BNC2: variants seen among roughly 807,000 people sequenced by gnomAD.
BNC2 encodes the protein basonuclin zinc finger protein 2, also known as zinc finger protein basonuclin-2.
A neutral mutation model predicts 76.3 loss-of-function variants in BNC2; 20 were observed. That is an observed-to-expected ratio of 0.26 (90% CI 0.18 to 0.38). The LOEUF (loss-of-function observed/expected upper bound fraction) is 0.38. Among genes scored for constraint, BNC2 ranks in the 10% least tolerant of loss-of-function variants. The pLI is 1.00. For synonymous variants in BNC2, 582 were observed against 514.8 expected (o/e 1.13, Z -1.77); for missense variants, 1,382 against 1,399.8 (o/e 0.99, Z 0.20).
At chr9:16,823,387 T>C (rs1048141907) in intron 1 of BNC2, among the ~76,000 whole-genome samples, 6 of 140,220 alleles carry the variant, frequency 4.3e-5, no homozygotes, top group African/African-American at 1.6e-4. Context: ...GCTCAGGAGT[T>C]CAAGACCAGC....
chr9:16,686,482 T>C (rs900698318), intron 3 of BNC2, among the ~76,000 whole-genome samples: 49 of 152,342 alleles, frequency 3.2e-4, no homozygotes, highest in African/African-American at 1.2e-3. Context: ...ATTATTTCCA[T>C]ACTTATACTA....
chr9:16,576,863 G>A (rs562248887), intron 4 of BNC2, among the ~76,000 whole-genome samples: 103 of 152,216 alleles, frequency 6.8e-4, no homozygotes, highest in African/African-American at 2.4e-3. Context: ...TCAGCCTCCC[G>A]AGTAGCTGGG....
Position 16,488,553 on chromosome 9 carries a change from G to A in BNC2, c.670-51029C>T, listed in dbSNP as rs191593611. Among the ~76,000 whole-genome samples the A allele has an allele frequency of 6.4e-4, 98 of 152,262 alleles. 1 individual carries two copies. The East Asian group carries it at 0.014, about 22-fold the overall frequency. ...TTTTTTCTAATTAGCAAATGAATGC[G>A]TTTAGTCTGGAGATCTTTTCATGCA... On this transcript the variant is annotated intron_variant, in intron 5 of 6. Transcript: ENST00000380672.
At chr9:16,699,529 A>G (rs1397919362) in intron 3 of BNC2, among the ~76,000 whole-genome samples, 1 of 152,220 alleles carries the variant, frequency 6.6e-6, no homozygotes, top group African/African-American at 2.4e-5. Context: ...CTAGTAATTG[A>G]AAAGGCCAAG....
In BNC2 at chr9:16,701,389, G is replaced by A. The variant is rs1490276448; in HGVS notation, c.330+26408C>T. On this transcript the variant is annotated intron_variant, in intron 3 of 6. Transcript: ENST00000380672. ...ATGTTAGGCCTTGATTTCTTCATCT[G>A]TAAAATGAAAATATGGGTACCTTCC... Among the ~76,000 whole-genome samples the A allele has an allele frequency of 2.0e-5, 3 of 152,184 alleles. No individual in the cohort carries two copies. The East Asian group carries it at 5.8e-4, about 29-fold the overall frequency.
At position 16,590,841 on chromosome 9, in the gene BNC2, G is replaced by T. The variant is rs556259884; in HGVS notation, c.331-7756C>A. 7.9e-5 allele frequency among the ~76,000 whole-genome samples: 12 copies of T among 152,186 alleles called. No homozygotes were observed. In the East Asian group the frequency reaches 1.9e-3, roughly 25 times the overall value. On this transcript the variant is annotated intron_variant, in intron 3 of 6. Transcript: ENST00000380672. ...CACACAAAAGACGTCTATCCTAGTGGACGAAAATCTGGAATAGCAAATTAT... is the reference window on the plus strand; with the variant it reads ...CACACAAAAGACGTCTATCCTAGTGTACGAAAATCTGGAATAGCAAATTAT...
intron 3 of BNC2, among the ~76,000 whole-genome samples, chr9:16,691,259 C>G (rs944832100): frequency 1.3e-5 from 2 of 152,114 alleles, no homozygotes; most frequent in Non-Finnish European, 2.9e-5. Context: ...CATTGTACTC[C>G]TTTTACTTCT....
intron 1 of BNC2, among the ~76,000 whole-genome samples, chr9:16,743,675 G>C (rs1331576044): frequency 6.6e-6 from 1 of 152,180 alleles, no homozygotes; most frequent in Non-Finnish European, 1.5e-5. Context: ...TTTTCTTCAG[G>C]AGCCAGAGGC....
At chr9:16,786,187 T>C (rs775245893) in intron 1 of BNC2, among the ~76,000 whole-genome samples, 5 of 152,228 alleles carry the variant, frequency 3.3e-5, no homozygotes, top group Non-Finnish European at 5.9e-5. Context: ...CGCTAGTTTT[T>C]ACAGAAAACA....
chr9:16,553,068 G>T (rs1216983114), intron 4 of BNC2, among the ~76,000 whole-genome samples: 1 of 152,028 alleles, frequency 6.6e-6, no homozygotes, highest in East Asian at 1.9e-4. Context: ...AATGACCGTG[G>T]CTGGTGCTAA....
chr9:16,843,860 G>C (rs1483208009), intron 1 of BNC2, among the ~76,000 whole-genome samples: 1 of 152,180 alleles, frequency 6.6e-6, no homozygotes, highest in Non-Finnish European at 1.5e-5. Context: ...ATTCATGTTA[G>C]AATTTTTCTT....
In BNC2 at chr9:16,856,275, T is replaced by A. The variant is rs868267082; in HGVS notation, c.3+14371A>T. Among the ~76,000 whole-genome samples, 34 of 86,474 alleles carry A rather than the reference T, an allele frequency of 3.9e-4. No homozygotes were observed. The South Asian group carries it at 0.011, about 27-fold the overall frequency. The allele number at this position is 86,474 out of a possible 152,430, so 56.7% of individuals were successfully genotyped here. A position where few individuals can be genotyped will look rare whatever the true frequency, so the allele number is the denominator to read the frequency against. On this transcript the variant is annotated intron_variant, in intron 1 of 6. Coordinates refer to ENST00000380672, the MANE Select transcript of BNC2 (RefSeq NM_017637.6). ...TTTCTTCACACACACTCTCTCTCTC[T>A]CTCACACACACACACACACACACAC...
At chr9:16,764,697 A>T (rs1825642346) in intron 1 of BNC2, among the ~76,000 whole-genome samples, 1 of 151,582 alleles carries the variant, frequency 6.6e-6, no homozygotes, top group Admixed American at 6.6e-5. Context: ...TAGCTCATTA[A>T]TGTGGAATTA....
intron 3 of BNC2, among the ~76,000 whole-genome samples, chr9:16,687,641 C>T (rs1015225183): frequency 6.6e-6 from 1 of 152,164 alleles, no homozygotes; most frequent in African/African-American, 2.4e-5. Context: ...TGGGACTTAA[C>T]TAAGGCAGAT....
intron 3 of BNC2, among the ~76,000 whole-genome samples, chr9:16,638,691 G>GA (rs928347903): frequency 8.7e-5 from 13 of 149,796 alleles, no homozygotes; most frequent in Non-Finnish European, 1.5e-4. Flanking sequence ...ACCTTTAAAA[G>GA]AAAAAAAAAC....
intron 3 of BNC2, among the ~76,000 whole-genome samples, chr9:16,594,925 T>C (rs1820024816): frequency 6.6e-6 from 1 of 151,984 alleles, no homozygotes; most frequent in African/African-American, 2.4e-5. Context: ...TATAACCAAA[T>C]AGGAGATGTG....
intron 5 of BNC2, among the ~76,000 whole-genome samples, chr9:16,507,405 G>A (rs531407660): frequency 6.6e-5 from 10 of 151,770 alleles, no homozygotes; most frequent in East Asian, 2.0e-4. Flanking sequence ...GGCTACAGGC[G>A]CATGCCCCCA....
chr9:16,507,522 G>A (rs1009521414), intron 5 of BNC2, among the ~76,000 whole-genome samples: 3 of 152,154 alleles, frequency 2.0e-5, no homozygotes, highest in Non-Finnish European at 4.4e-5. Flanking sequence ...TCCACCTCCC[G>A]GGTTCAAGCG....
intron 1 of BNC2, among the ~76,000 whole-genome samples, chr9:16,845,876 G>A (rs541141290): frequency 2.2e-3 from 328 of 152,172 alleles, no homozygotes; most frequent in African/African-American, 7.3e-3. Flanking sequence ...TGGCCCGGGC[G>A]CGGTGGCTCA....
Sources: gnomAD v4.1 joint callset for allele counts (sites outside exome capture counted in the v4.1 genomes callset) on GRCh38, gnomAD v4.1.1 for gene constraint, MANE v1.5 for transcripts, NCBI Gene and HGNC (gene_info 2026-07-23, HGNC 2026-07-21) for gene names.